ZPBP: variants seen among roughly 807,000 people sequenced by gnomAD.
The protein encoded by ZPBP is zona pellucida-binding protein 1.
Under a neutral mutation model 44.8 loss-of-function variants are expected in ZPBP, and 26 were observed. The ratio of observed to expected loss-of-function variants is 0.58; its 90% confidence interval spans 0.43 to 0.81. The LOEUF (loss-of-function observed/expected upper bound fraction) is 0.81. ZPBP is among the 30% of genes least tolerant of loss of function. The pLI, the probability that ZPBP is intolerant of heterozygous loss-of-function variation, is 0.00. For missense variants in ZPBP, 409 were observed against 434.0 expected, an observed-to-expected ratio of 0.94 and a Z score of 0.51; for synonymous variants, 174 against 153.2, an observed-to-expected ratio of 1.14 and a Z score of -1.00.
At chr7:49,954,129 A>C (rs1470934663) in intron 7 of ZPBP, among the ~76,000 whole-genome samples, 3 of 152,176 alleles carry the variant, frequency 2.0e-5, no homozygotes, top group Non-Finnish European at 4.4e-5. Flanking sequence ...AATGGAACAG[A>C]AATAAGCGCA....
rs562468564 is a variant in ZPBP, at chr7:50,010,403, T to C, written c.783+7837A>G. Among the ~76,000 whole-genome samples the C allele has an allele frequency of 2.0e-5, 3 of 152,204 alleles. No homozygotes were observed. The East Asian group carries it at 5.8e-4, about 29-fold the overall frequency. ...ATTTGAACAAATGATTTTGGAACAA[T>C]TGGACATCCATAGGCAAAAAAAAAA... On this transcript the variant is annotated intron_variant, in intron 6 of 7. Coordinates refer to ENST00000046087, the MANE Select transcript of ZPBP (RefSeq NM_007009.3).
Position 50,032,376 on chromosome 7 carries a change from T to C in ZPBP, c.488-1066A>G, listed in dbSNP as rs980211433. Reference sequence around the variant, plus strand: ...AACTATAGTTGAGTCACAGTATGACTGGGGACAGGGAAAGAAAACTTTTTC... The same window carrying C: ...AACTATAGTTGAGTCACAGTATGACCGGGGACAGGGAAAGAAAACTTTTTC... On this transcript the variant is annotated intron_variant, in intron 4 of 7. Coordinates refer to ENST00000046087, the MANE Select transcript of ZPBP (RefSeq NM_007009.3). Among the ~76,000 whole-genome samples, 5 of 152,178 alleles carry C rather than the reference T, an allele frequency of 3.3e-5. No homozygotes were observed. In the South Asian group the frequency reaches 8.3e-4, roughly 25 times the overall value.
intron 1 of ZPBP, among the ~76,000 whole-genome samples, chr7:49,906,401 C>T (rs185983368): frequency 0.033 from 5,023 of 152,118 alleles, 311 homozygotes; most frequent in Admixed American, 0.16. Context: ...GTGGCGGCGA[C>T]CTCAGCTCAC....
chr7:49,955,494 T>C lies in ZPBP; in HGVS notation c.962-17872A>G, dbSNP rs1365447281. Among the ~76,000 whole-genome samples, 4 of 152,150 alleles carry C rather than the reference T, an allele frequency of 2.6e-5. No homozygotes were observed. In the East Asian group the frequency reaches 5.8e-4, roughly 22 times the overall value. On this transcript the variant is annotated intron_variant, in intron 7 of 7. Transcript: ENST00000046087. ...ATCACCTGAACCTAGGAGGCAGAGA[T>C]TGCGGTGAGCTGAGATCACGCCACT... is the stretch of plus-strand genomic sequence containing the variant.
intron 5 of ZPBP, among the ~76,000 whole-genome samples, chr7:50,020,171 T>C (rs1799020932): frequency 6.6e-6 from 1 of 152,094 alleles, no homozygotes; most frequent in Admixed American, 6.6e-5. Context: ...GTCCACAAAG[T>C]AATTCAGAAG....
At chr7:49,920,585 ACT>A (rs1250928909) in intron 1 of ZPBP, 1 of 152,112 alleles carries the variant, frequency 6.6e-6, no homozygotes, top group Non-Finnish European at 1.5e-5. Context: ...ACAGAGAGAG[ACT>A]CTGCTTGGCC....
Position 50,014,369 on chromosome 7 carries a change from C to T in ZPBP, c.783+3871G>A, listed in dbSNP as rs189213605. 5.4e-3 allele frequency among the ~76,000 whole-genome samples: 823 copies of T among 151,710 alleles called. 4 individuals are homozygous for T. The highest frequency in any genetic ancestry group is 8.5e-3 in the Non-Finnish European group (576 of 67,924). ...AAAAGATAATGAAGAAAGTATGGCA[C>T]TAGCATAAGGACTGACAAAACAGAG... is the stretch of plus-strand genomic sequence containing the variant. On this transcript the variant is annotated intron_variant, in intron 6 of 7. Coordinates refer to ENST00000046087, the MANE Select transcript of ZPBP (RefSeq NM_007009.3).
chr7:49,875,258 T>G (rs1791352501), intron 2 of ZPBP, among the ~76,000 whole-genome samples: 1 of 148,882 alleles, frequency 6.7e-6, no homozygotes. Flanking sequence ...TAGTCCCAGC[T>G]ACTCAGGAGG....
intron 6 of ZPBP, among the ~76,000 whole-genome samples, chr7:49,997,902 C>A (rs1281159077): frequency 6.6e-6 from 1 of 150,568 alleles, no homozygotes; most frequent in Non-Finnish European, 1.5e-5. Context: ...AATTAAATGT[C>A]TTTATTTATT....
chr7:49,886,085 C>G (rs532119847), intron 2 of ZPBP, among the ~76,000 whole-genome samples: 164 of 152,316 alleles, frequency 1.1e-3, no homozygotes, highest in African/African-American at 3.9e-3. Context: ...GAGGTCCAGA[C>G]TGGAGGCGTC....
At chr7:50,013,034 A>G (rs1798659106) in intron 6 of ZPBP, among the ~76,000 whole-genome samples, 2 of 151,958 alleles carry the variant, frequency 1.3e-5, no homozygotes, top group Admixed American at 1.3e-4. Context: ...TAGCATCCAA[A>G]TCCCCCACAA....
chr7:49,875,188 G>C (rs1319351968), intron 2 of ZPBP, among the ~76,000 whole-genome samples: 2 of 151,002 alleles, frequency 1.3e-5, no homozygotes, highest in Non-Finnish European at 3.0e-5. Flanking sequence ...TGGCCAATAT[G>C]GTGAAACCTC....
At chr7:50,003,915 C>A (rs750243377) in intron 6 of ZPBP, among the ~76,000 whole-genome samples, 1 of 152,090 alleles carries the variant, frequency 6.6e-6, no homozygotes, top group African/African-American at 2.4e-5. Context: ...ATAATTTTTA[C>A]AAATTTCCCT....
intron 1 of ZPBP, chr7:50,092,758 A>C: frequency 3.9e-6 from 1 of 258,192 alleles, no homozygotes. Flanking sequence ...CACACACTGA[A>C]ATGCAAACCT....
chr7:50,068,119 T>C (rs756048416), intron 3 of ZPBP, among the ~76,000 whole-genome samples: 1 of 152,158 alleles, frequency 6.6e-6, no homozygotes, highest in Non-Finnish European at 1.5e-5. Flanking sequence ...GAGGAGAGAC[T>C]CCTTTTTTTC....
downstream of ZPBP, among the ~76,000 whole-genome samples, chr7:49,933,325 C>A (rs1256743542): frequency 1.3e-5 from 2 of 152,108 alleles, no homozygotes; most frequent in Admixed American, 1.3e-4. Flanking sequence ...TTACAAATTT[C>A]CTGTAATTAA....
chr7:49,871,453 T>A (rs1791144534), intron 2 of ZPBP, among the ~76,000 whole-genome samples: 1 of 152,182 alleles, frequency 6.6e-6, no homozygotes, highest in East Asian at 1.9e-4. Flanking sequence ...ACTGTATACA[T>A]TCATGAGCTA....
At chr7:49,912,903 A>C (rs765245034) in intron 1 of ZPBP, 10 of 152,020 alleles carry the variant, frequency 6.6e-5, no homozygotes, top group Non-Finnish European at 1.3e-4. Flanking sequence ...TATTTACATT[A>C]TTTTCTCTTC....
chr7:49,874,256 C>A (rs1282659828), intron 2 of ZPBP, among the ~76,000 whole-genome samples: 1 of 152,172 alleles, frequency 6.6e-6, no homozygotes, highest in Non-Finnish European at 1.5e-5. Flanking sequence ...GGATGGTGGT[C>A]CCATAGAATT....
Sources: allele counts gnomAD v4.1 joint callset (sites outside exome capture counted in the v4.1 genomes callset), GRCh38; gene constraint gnomAD v4.1.1; transcripts MANE v1.5; gene names NCBI Gene and HGNC (gene_info 2026-07-23, HGNC 2026-07-21).